EGF: variants seen among roughly 807,000 people sequenced by gnomAD.
The protein encoded by EGF is pro-epidermal growth factor.
Under a neutral mutation model 143.8 loss-of-function variants are expected in EGF, and 95 were observed. The ratio of observed to expected loss-of-function variants is 0.66; its 90% CI spans 0.56 to 0.78. The LOEUF (loss-of-function observed/expected upper bound fraction) is 0.78. EGF is among the 30% of genes least tolerant of loss of function. The pLI, the probability that EGF is intolerant of heterozygous loss-of-function variation, is 0.00. For missense variants in EGF, 1,320 were observed against 1,470.9 expected, an observed-to-expected ratio of 0.90 and a Z score of 1.68; for synonymous variants, 510 against 510.5, an observed-to-expected ratio of 1.00 and a Z score of 0.01.
chr4:109,984,129 G>A (rs369324457), intron 16 of EGF, among the ~76,000 whole-genome samples: 2 of 152,220 alleles, frequency 1.3e-5, no homozygotes, highest in South Asian at 2.1e-4. Context: ...CAGCCCTAGA[G>A]CTTCTGCAAA....
intron 13 of EGF, among the ~76,000 whole-genome samples, chr4:109,978,695 C>T (rs1024712622): frequency 4.6e-5 from 7 of 152,160 alleles, no homozygotes; most frequent in Non-Finnish European, 1.0e-4. Context: ...CACTACTGAA[C>T]TTAGAAATGG....
chr4:109,959,184 T>A, intron 5 of EGF, 128 bp from the exon 6 acceptor site: 1 of 1,457,376 alleles, frequency 6.9e-7, no homozygotes, highest in Non-Finnish European at 9.4e-7. Flanking sequence ...CTGGCTAAGT[T>A]TGCCTCCGTG....
intron 5 of EGF, among the ~76,000 whole-genome samples, chr4:109,945,627 A>G (rs1297402840): frequency 2.0e-5 from 3 of 152,186 alleles, no homozygotes. Context: ...TAACATGTAC[A>G]TTTTATATAT....
intron 5 of EGF, among the ~76,000 whole-genome samples, chr4:109,953,848 G>A (rs1273410286): frequency 6.6e-6 from 1 of 152,176 alleles, no homozygotes; most frequent in East Asian, 1.9e-4. Flanking sequence ...GTGGGGTGCG[G>A]TGGTGACAAT....
chr4:109,943,785 G>A, intron 3 of EGF, 57 bp from the exon 4 acceptor site: 1 of 1,425,070 alleles, frequency 7.0e-7, no homozygotes, highest in African/African-American at 1.4e-5. Flanking sequence ...TGAGAGAGTT[G>A]GCCATTTAAG....
At chr4:109,915,247 C>T (rs1736420603) in intron 1 of EGF, among the ~76,000 whole-genome samples, 1 of 152,182 alleles carries the variant, frequency 6.6e-6, no homozygotes, top group Non-Finnish European at 1.5e-5. Flanking sequence ...ATCCATGCTA[C>T]CAACTTAATA....
intron 1 of EGF, among the ~76,000 whole-genome samples, chr4:109,915,553 A>G (rs1736490745): frequency 6.6e-6 from 1 of 152,146 alleles, no homozygotes. Flanking sequence ...CTTGCAAGTC[A>G]CTGGTTTAAA....
intron 1 of EGF, among the ~76,000 whole-genome samples, chr4:109,935,660 C>T (rs1449184442): frequency 2.2e-4 from 34 of 152,218 alleles, no homozygotes; most frequent in Admixed American, 1.9e-3. Flanking sequence ...TTCCTGTTTT[C>T]GCCCATTCAG....
At chr4:109,956,194 C>T (rs1184444240) in intron 5 of EGF, among the ~76,000 whole-genome samples, 1 of 152,076 alleles carries the variant, frequency 6.6e-6, no homozygotes. Context: ...TCTATTTCAA[C>T]AAGTTTATTT....
intron 20 of EGF, among the ~76,000 whole-genome samples, chr4:109,999,223 A>T (rs943221223): frequency 1.3e-5 from 2 of 152,088 alleles, no homozygotes; most frequent in Non-Finnish European, 2.9e-5. Context: ...AACTGTACAC[A>T]TTCTTCTTTT....
At chr4:110,001,501 C>T (rs112862612) in intron 21 of EGF, 5 of 412,528 alleles carry the variant, frequency 1.2e-5, no homozygotes, top group African/African-American at 2.2e-5. Flanking sequence ...ATCAATGGTT[C>T]ATCCCATTGG....
intron 12 of EGF, 38 bp downstream of exon 12, chr4:109,974,845 G>A (rs1166922056): frequency 1.3e-6 from 2 of 1,515,452 alleles, no homozygotes; most frequent in African/African-American, 2.7e-5. Context: ...CTCTGCAGAG[G>A]TCATGTGACA....
intron 1 of EGF, among the ~76,000 whole-genome samples, chr4:109,932,075 T>A (rs28540029): frequency 0.26 from 38,793 of 151,646 alleles, 5,639 homozygotes; most frequent in Middle Eastern, 0.37. Flanking sequence ...GAGGTCAGGA[T>A]GTAAAAATTT....
In EGF at chr4:109,913,162, TC is replaced by T; in HGVS notation, c.-173del. On this transcript the variant is annotated 5_prime_UTR_variant, in exon 1 of 24. Transcript: ENST00000265171. ...TGGCAGGCTGCATTCAGAAGGTCTC[TC>T]AGTTGAAGAAAGAGCTTGGAGGACA... 1 of 678,318 alleles carries T rather than the reference TC, an allele frequency of 1.5e-6. No individual in the cohort carries two copies. The highest frequency in any genetic ancestry group is 1.7e-5 in the South Asian group (1 of 57,186). The allele number at this position is 678,318 out of a possible 1,614,324, so 42.0% of individuals were successfully genotyped here. A position where few individuals can be genotyped will look rare whatever the true frequency, so the allele number is the denominator to read the frequency against.
chr4:109,951,821 A>G lies in EGF; in HGVS notation c.940+6546A>G, dbSNP rs1743977883. On this transcript the variant is annotated intron_variant, in intron 5 of 23. Coordinates refer to ENST00000265171, the MANE Select transcript of EGF (RefSeq NM_001963.6). ...TATTATCTATCATTTCATATTTTAGATGTACCTTATTTGTTTTGAGAAGCC... is the reference window on the plus strand; with the variant it reads ...TATTATCTATCATTTCATATTTTAGGTGTACCTTATTTGTTTTGAGAAGCC... Among the ~76,000 whole-genome samples the G allele has an allele frequency of 3.3e-5, 5 of 152,120 alleles. No homozygotes were observed. In the South Asian group the frequency reaches 1.0e-3, roughly 32 times the overall value.
intron 18 of EGF, among the ~76,000 whole-genome samples, chr4:109,992,994 A>T (rs530923506): frequency 6.7e-6 from 1 of 149,098 alleles, no homozygotes; most frequent in Non-Finnish European, 1.5e-5. Flanking sequence ...TACACCTAAA[A>T]TAAATGACGA....
At chr4:109,972,938 A>G (rs538725486) in intron 11 of EGF, among the ~76,000 whole-genome samples, 48 of 152,330 alleles carry the variant, frequency 3.2e-4, no homozygotes, top group Admixed American at 1.6e-3. Flanking sequence ...GTTTCTAGGC[A>G]GGCTTGTTTC....
chr4:109,935,129 T>C (rs978121959), intron 1 of EGF, among the ~76,000 whole-genome samples: 30 of 152,332 alleles, frequency 2.0e-4, no homozygotes, highest in African/African-American at 7.2e-4. Flanking sequence ...GGGGATAGCA[T>C]TGAATTTATA....
intron 23 of EGF, among the ~76,000 whole-genome samples, chr4:110,009,535 G>C (rs560842747): frequency 6.6e-6 from 1 of 152,106 alleles, no homozygotes; most frequent in Non-Finnish European, 1.5e-5. Context: ...AGTTAGCTGA[G>C]TACTCAGGAA....
Sources: allele counts gnomAD v4.1 joint callset (sites outside exome capture counted in the v4.1 genomes callset), GRCh38; gene constraint gnomAD v4.1.1; transcripts MANE v1.5; gene names NCBI Gene and HGNC (gene_info 2026-07-23, HGNC 2026-07-21).